The following CSMD3 variants were observed in gnomAD, a reference collection of about 807,000 sequenced individuals.
The protein encoded by CSMD3 is CUB and Sushi multiple domains 3.
In CSMD3, 177 loss-of-function variants were observed where a neutral mutation model predicts 435.2. The ratio of observed to expected loss-of-function variants is 0.41; its 90% confidence interval spans 0.36 to 0.46. The LOEUF is 0.46. Among genes scored for constraint, CSMD3 ranks in the 20% least tolerant of loss-of-function variants. CSMD3 has a pLI of 0.34. For missense variants in CSMD3, 4,265 were observed against 4,504.6 expected, an observed-to-expected ratio of 0.95 and a Z score of 1.52; for synonymous variants, 1,656 against 1,520.5, an observed-to-expected ratio of 1.09 and a Z score of -2.07.
rs1437097056 is a variant in CSMD3 at position 113,314,671 on chromosome 8, T to G, written c.301A>C (p.Asn101His). 1 of 1,611,340 alleles carries G rather than the reference T, an allele frequency of 6.2e-7. No individual in the cohort carries two copies. The highest frequency in any genetic ancestry group is 1.1e-5 in the South Asian group (1 of 91,022). ...CTWVIIAEER[N>H]RIQIVFQSFA... Reference sequence around the variant, plus strand: ...GACTGAAAAACAATTTGTATTCTATTTCGTTCTTCTGCTATTATTACCCAT... The same window carrying G: ...GACTGAAAAACAATTTGTATTCTATGTCGTTCTTCTGCTATTATTACCCAT... The change falls in exon 2 of 71, where the codon AAT becomes CAT. Residue 101 changes from asparagine (N) to histidine (H), a missense_variant. By Grantham distance (68) the Asn-to-His change is moderately conservative. Transcript: ENST00000297405.
intron 1 of CSMD3, among the ~76,000 whole-genome samples, chr8:113,394,052 C>CTGCAT (rs1165836754): frequency 6.6e-6 from 1 of 151,818 alleles, no homozygotes; most frequent in Non-Finnish European, 1.5e-5. Context: ...CGTATAGAGT[C>CTGCAT]TGCATTCTGA....
At chr8:113,223,736 T>C (rs1352283875) in intron 3 of CSMD3, among the ~76,000 whole-genome samples, 1 of 141,354 alleles carries the variant, frequency 7.1e-6, no homozygotes, top group Non-Finnish European at 1.5e-5. Flanking sequence ...AATCCTACTT[T>C]AAGCTGTGTG....
chr8:112,468,343 C>T (rs1279373418), intron 32 of CSMD3, among the ~76,000 whole-genome samples: 1 of 149,790 alleles, frequency 6.7e-6, no homozygotes, highest in Non-Finnish European at 1.5e-5. Flanking sequence ...CCAGTATCTG[C>T]TGGAGTAAGA....
intron 13 of CSMD3, among the ~76,000 whole-genome samples, chr8:112,729,687 A>G (rs1287269079): frequency 1.3e-5 from 2 of 151,800 alleles, no homozygotes; most frequent in African/African-American, 4.8e-5. Context: ...CTGACAGTGT[A>G]CCTGCTTAAA....
chr8:112,701,822 T>C (rs1391572454), intron 13 of CSMD3, among the ~76,000 whole-genome samples: 1 of 152,178 alleles, frequency 6.6e-6, no homozygotes, highest in Non-Finnish European at 1.5e-5. Flanking sequence ...TTTCAACCTC[T>C]GTGCCCTGAG....
At chr8:112,350,473 C>T (rs1014112527) in intron 40 of CSMD3, among the ~76,000 whole-genome samples, 5 of 152,086 alleles carry the variant, frequency 3.3e-5, no homozygotes, top group African/African-American at 1.2e-4. Flanking sequence ...AAATTTAACT[C>T]TAAATTATTT....
At chr8:112,564,025 T>C (rs1224823757) in intron 24 of CSMD3, among the ~76,000 whole-genome samples, 3 of 152,078 alleles carry the variant, frequency 2.0e-5, no homozygotes, top group African/African-American at 7.2e-5. Context: ...CACCACACTT[T>C]TAAACTAAAA....
chr8:113,162,560 C>G (rs1169933447), intron 4 of CSMD3, among the ~76,000 whole-genome samples: 4 of 145,348 alleles, frequency 2.8e-5, no homozygotes, highest in Non-Finnish European at 6.0e-5. Context: ...AGTGAAACTC[C>G]GTCCCCACAT....
chr8:113,409,079 C>CCTTTTTT (rs2094546230), intron 1 of CSMD3, among the ~76,000 whole-genome samples: 1 of 99,068 alleles, frequency 1.0e-5, no homozygotes, highest in Non-Finnish European at 1.9e-5. Context: ...TCTTCTTCTT[C>CCTTTTTT]TTTTTTTTTT....
chr8:113,170,709 C>A (rs1264727857), intron 4 of CSMD3, among the ~76,000 whole-genome samples: 1 of 152,078 alleles, frequency 6.6e-6, no homozygotes, highest in African/African-American at 2.4e-5. Flanking sequence ...GTGTCTTAAT[C>A]AATCTTTTGA....
At chr8:112,814,242 A>T (rs1309476277) in intron 12 of CSMD3, among the ~76,000 whole-genome samples, 1 of 152,194 alleles carries the variant, frequency 6.6e-6, no homozygotes, top group Non-Finnish European at 1.5e-5. Context: ...GAATAGAGGA[A>T]CAGAAGTTAA....
In CSMD3 at chr8:113,289,499, G is replaced by A. The variant is rs535636005; in HGVS notation, c.402-10795C>T. 2.6e-5 allele frequency among the ~76,000 whole-genome samples: 4 copies of A among 151,328 alleles called. No individual in the cohort carries two copies. The East Asian group carries it at 7.8e-4, about 30-fold the overall frequency. The stretch of plus-strand genomic sequence containing the variant: ...GTCAATTTAAAAAAATTATGACCGA[G>A]AGAGAGGTGAGAGCATTGATGAAGA... On this transcript the variant is annotated intron_variant, in intron 2 of 70. Coordinates refer to ENST00000297405, the MANE Select transcript of CSMD3 (RefSeq NM_198123.2).
chr8:113,372,940 CAA>C (rs34032302), intron 1 of CSMD3, among the ~76,000 whole-genome samples: 5 of 125,430 alleles, frequency 4.0e-5, no homozygotes, highest in Non-Finnish European at 6.5e-5. Flanking sequence ...GACTCCGTCT[CAA>C]AAAAAAAAAA....
intron 9 of CSMD3, among the ~76,000 whole-genome samples, chr8:112,931,377 A>G (rs2083102344): frequency 6.6e-6 from 1 of 152,074 alleles, no homozygotes; most frequent in South Asian, 2.1e-4. Flanking sequence ...TGGTGCTGGG[A>G]AAACTGGATA....
chr8:112,995,450 G>T (rs2085615264), intron 6 of CSMD3, among the ~76,000 whole-genome samples: 1 of 151,396 alleles, frequency 6.6e-6, no homozygotes, highest in Non-Finnish European at 1.5e-5. Context: ...CATAGTTCTA[G>T]TATCAGAAAT....
At chr8:112,390,619 A>G in intron 36 of CSMD3, 45 bp downstream of exon 36, 1 of 1,519,752 alleles carries the variant, frequency 6.6e-7, no homozygotes, top group Non-Finnish European at 9.1e-7. Context: ...GAAAAGATTA[A>G]CTACACACAT....
chr8:112,297,572 A>G (rs566551180), intron 53 of CSMD3, among the ~76,000 whole-genome samples: 1 of 152,276 alleles, frequency 6.6e-6, no homozygotes, highest in African/African-American at 2.4e-5. Context: ...TATAGGGAAC[A>G]TTCTCAACCC....
Position 112,991,748 on chromosome 8 carries a change from A to T in CSMD3, c.1031-15600T>A, listed in dbSNP as rs145621296. 6.6e-3 allele frequency among the ~76,000 whole-genome samples: 1,007 copies of T among 152,008 alleles called. 11 individuals are homozygous for T. Among genetic ancestry groups the T allele is most frequent in the African/African-American group, 0.023 (966 of 41,520 alleles). Reference sequence around the variant, plus strand: ...ATTATTATGTGATACTAAATTTCTAAGCATAAATATTTTATAATGCATTTC... The same window carrying T: ...ATTATTATGTGATACTAAATTTCTATGCATAAATATTTTATAATGCATTTC... On this transcript the variant is annotated intron_variant, in intron 6 of 70. Transcript: ENST00000297405.
intron 35 of CSMD3, among the ~76,000 whole-genome samples, chr8:112,401,299 TCA>T (rs1491019851): frequency 1.4e-5 from 2 of 144,870 alleles, no homozygotes; most frequent in South Asian, 2.2e-4. Flanking sequence ...CTTTCTTCAC[TCA>T]CTTCTCTTCG....
Sources: allele counts gnomAD v4.1 joint callset (sites outside exome capture counted in the v4.1 genomes callset), GRCh38; gene constraint gnomAD v4.1.1; transcripts MANE v1.5; gene names NCBI Gene and HGNC (gene_info 2026-07-23, HGNC 2026-07-21).